The following NCOR2 variants were observed in gnomAD, a reference collection of about 807,000 sequenced individuals.
NCOR2 encodes nuclear receptor corepressor 2.
Under a neutral mutation model 262.9 loss-of-function variants are expected in NCOR2, and 81 were observed. The observed-to-expected ratio is 0.31, with a 90% confidence interval of 0.26 to 0.37. NCOR2 has a LOEUF of 0.37. Ranked by LOEUF, NCOR2 falls within the 10% of genes least tolerant of loss-of-function variation. The probability of loss-of-function intolerance (pLI) is 1.00; values close to 1 mark genes in which losing one functional copy is unlikely to be tolerated. For missense variants in NCOR2, 3,385 were observed against 3,621.4 expected (o/e 0.93, Z 1.68); for synonymous variants, 1,659 against 1,559.3 (o/e 1.06, Z -1.51).
intron 12 of NCOR2, among the ~76,000 whole-genome samples, chr12:124,420,739 T>C (rs925212501): frequency 6.6e-6 from 1 of 152,168 alleles, no homozygotes; most frequent in Non-Finnish European, 1.5e-5. Flanking sequence ...CTTGCGGGCA[T>C]GGAGCCCAGC....
intron 1 of NCOR2, among the ~76,000 whole-genome samples, chr12:124,490,389 C>T (rs754784537): frequency 8.0e-5 from 12 of 150,658 alleles, no homozygotes; most frequent in African/African-American, 2.4e-4. Flanking sequence ...GGGCCCGAGA[C>T]GCCTGATAAG....
chr12:124,450,492 C>T (rs1026064043), intron 6 of NCOR2, among the ~76,000 whole-genome samples: 5 of 152,168 alleles, frequency 3.3e-5, no homozygotes, highest in African/African-American at 1.2e-4. Context: ...CACCAGGAGA[C>T]GGGCGCTAGG....
At chr12:124,436,692 G>A (rs1469661032) in intron 8 of NCOR2, among the ~76,000 whole-genome samples, 2 of 152,230 alleles carry the variant, frequency 1.3e-5, no homozygotes, top group Non-Finnish European at 2.9e-5. Context: ...CAGAGCATCT[G>A]TGATACCATC....
In NCOR2 at chr12:124,531,542, G is replaced by A. The variant is rs1345377530; in HGVS notation, c.-118+4023C>T. Among the ~76,000 whole-genome samples the A allele has an allele frequency of 1.3e-5, 2 of 152,148 alleles. No homozygotes were observed. The highest frequency in any genetic ancestry group is 6.5e-5 in the Admixed American group (1 of 15,284). ...AGGAAGGAAGGGGGAGGGGAGGAAGGGATTGCAGGGAGCCCCCGCCCAGGG... is the reference window on the plus strand; with the variant it reads ...AGGAAGGAAGGGGGAGGGGAGGAAGAGATTGCAGGGAGCCCCCGCCCAGGG... On this transcript the variant is annotated intron_variant, in intron 1 of 46. Coordinates refer to the NCOR2 transcript ENST00000404621. The surrounding 1 kb of genome is among the most constrained non-coding windows in gnomAD (Gnocchi z 4.5).
Position 124,503,530 on chromosome 12 carries a change from TGAATGGATGGATGGATGGAC to T in NCOR2, c.-117-8182_-117-8163del, listed in dbSNP as rs995696350. Reference sequence around the variant, plus strand: ...GATGGATGGACAGAGGATGGACAGATGAATGGATGGATGGATGGACGAATGGATGGATGGATAGATGGAAG... The same window carrying T: ...GATGGATGGACAGAGGATGGACAGATGAATGGATGGATGGATAGATGGAAG... On this transcript the variant is annotated intron_variant, in intron 1 of 46. Transcript: ENST00000404621. This position sits in a 1 kb window ranked among gnomAD's most constrained non-coding sequence, Gnocchi z 4.3. Among the ~76,000 whole-genome samples, 1 of 140,308 alleles carries T rather than the reference TGAATGGATGGATGGATGGAC, an allele frequency of 7.1e-6. No homozygotes were observed. The highest frequency in any genetic ancestry group is 1.5e-5 in the Non-Finnish European group (1 of 66,320). The allele number at this position is 140,308 out of a possible 152,430, so 92.0% of individuals were successfully genotyped here. A position where few individuals can be genotyped will look rare whatever the true frequency, so the allele number is the denominator to read the frequency against.
At chr12:124,364,927 G>A (rs1012024143) in intron 20 of NCOR2, among the ~76,000 whole-genome samples, 1 of 150,548 alleles carries the variant, frequency 6.6e-6, no homozygotes, top group Non-Finnish European at 1.5e-5. Context: ...GAGTTTGGGG[G>A]TATTTGGAGG....
Position 124,520,602 on chromosome 12 carries a change from G to A in NCOR2, c.-118+14963C>T, listed in dbSNP as rs570547721. Among the ~76,000 whole-genome samples, 78 of 152,238 alleles carry A rather than the reference G, an allele frequency of 5.1e-4. No homozygotes were observed. In the East Asian group the frequency reaches 6.8e-3, roughly 13 times the overall value. ...CTGTGTCTTCCCCGCCAGACACTCC[G>A]CAGCAAATTGTTTGTTGAGTGACTT... On this transcript the variant is annotated intron_variant, in intron 1 of 46. Transcript: ENST00000404621.
At chr12:124,371,212 GC>G (rs1197543222) in intron 20 of NCOR2, among the ~76,000 whole-genome samples, 1 of 121,730 alleles carries the variant, frequency 8.2e-6, no homozygotes, top group Admixed American at 9.4e-5. Context: ...CGTGAGAGCT[GC>G]CCCCCGTCCT....
exon 42 of NCOR2, chr12:124,333,277 G>A (rs772075378): frequency 1.2e-6 from 2 of 1,600,714 alleles, no homozygotes; most frequent in South Asian, 1.1e-5. Flanking sequence ...TGGCTCTGGA[G>A]ACCTGGATGG....
intron 6 of NCOR2, among the ~76,000 whole-genome samples, chr12:124,453,581 G>C (rs1292956843): frequency 6.6e-6 from 1 of 152,222 alleles, no homozygotes; most frequent in South Asian, 2.1e-4. Context: ...GGCCCCCCTC[G>C]GGCTTTGAGC....
rs958627720 is a variant in NCOR2 at position 124,428,086 on chromosome 12, T to TGTGTGTGTGTGTGTGC, written c.1150-1287_1150-1286insGCACACACACACACAC. Among the ~76,000 whole-genome samples the TGTGTGTGTGTGTGTGC allele has an allele frequency of 2.5e-3, 369 of 147,156 alleles. 4 individuals are homozygous for TGTGTGTGTGTGTGTGC. The highest frequency in any genetic ancestry group is 0.021 in the Middle Eastern group (6 of 280). ...GTGTGTGTGTGTGTGTGTGTGTGTG[T>TGTGTGTGTGTGTGTGC]GTACATGCAACAATCAGCCCAGGTG... On this transcript the variant is annotated intron_variant, in intron 10 of 46. Coordinates refer to ENST00000405201, the Ensembl canonical transcript of NCOR2.
At chr12:124,413,582 T>A (rs1303977688) in intron 13 of NCOR2, among the ~76,000 whole-genome samples, 1 of 152,104 alleles carries the variant, frequency 6.6e-6, no homozygotes. Flanking sequence ...TCAGCAGAGA[T>A]GTGGCCTGGA....
chr12:124,370,144 A>G (rs1280492646), intron 20 of NCOR2, among the ~76,000 whole-genome samples: 1 of 152,158 alleles, frequency 6.6e-6, no homozygotes, highest in Non-Finnish European at 1.5e-5. Context: ...GCCTGCCTCC[A>G]GGGCAGACCC....
At chr12:124,371,774 G>A (rs1566408672) in intron 20 of NCOR2, among the ~76,000 whole-genome samples, 1 of 152,082 alleles carries the variant, frequency 6.6e-6, no homozygotes, top group Non-Finnish European at 1.5e-5. Context: ...CGCTGCCCAG[G>A]GCTGCCTCCT....
At chr12:124,458,301 C>A (rs2045985510) in intron 5 of NCOR2, among the ~76,000 whole-genome samples, 1 of 152,228 alleles carries the variant, frequency 6.6e-6, no homozygotes, top group Non-Finnish European at 1.5e-5. Context: ...GGTGCCCAGG[C>A]TCCCGGGCTG....
At chr12:124,332,554 T>G in intron 42 of NCOR2, 87 bp from the exon 45 acceptor site, 1 of 1,566,682 alleles carries the variant, frequency 6.4e-7, no homozygotes, top group Non-Finnish European at 8.8e-7. Flanking sequence ...CTGAGATGCC[T>G]TAGACATTTG....
intron 6 of NCOR2, among the ~76,000 whole-genome samples, chr12:124,450,849 C>G (rs1164522560): frequency 6.6e-6 from 1 of 152,222 alleles, no homozygotes; most frequent in Non-Finnish European, 1.5e-5. Flanking sequence ...TCCATCTGTG[C>G]CTCCATTTCT....
intron 24 of NCOR2, 161 bp from the exon 27 acceptor site, chr12:124,355,100 G>A (rs892782532): frequency 1.1e-5 from 7 of 652,332 alleles, no homozygotes; most frequent in Admixed American, 3.1e-5. Context: ...CCCAAGCCTC[G>A]GCCCCCTCCC....
intron 37 of NCOR2, 105 bp downstream of exon 39, chr12:124,339,901 A>ATATACCC: frequency 5.4e-6 from 1 of 186,870 alleles, no homozygotes. Context: ...CTGCCCACCC[A>ATATACCC]CCCACCTCCC....
Sources: allele counts gnomAD v4.1 joint callset (sites outside exome capture counted in the v4.1 genomes callset), GRCh38; gene constraint gnomAD v4.1.1; non-coding constraint Gnocchi (gnomAD v3.1); transcripts MANE v1.5; gene names NCBI Gene and HGNC (gene_info 2026-07-23, HGNC 2026-07-21).